MEIS3: variants seen among roughly 807,000 people sequenced by gnomAD.
MEIS3 encodes the protein homeobox protein Meis3.
In MEIS3, 38 loss-of-function variants were observed where a neutral mutation model predicts 51.4. The observed-to-expected ratio is 0.74, with a 90% CI of 0.57 to 0.97. The LOEUF (loss-of-function observed/expected upper bound fraction) is 0.97. Ranked by LOEUF, MEIS3 falls within the 50% of genes least tolerant of loss-of-function variation. MEIS3 has a pLI of 0.00. For missense variants in MEIS3, 456 were observed against 502.6 expected (o/e 0.91, Z 0.89); for synonymous variants, 198 against 201.8 (o/e 0.98, Z 0.16).
At chr19:47,414,589 A>G in intron 6 of MEIS3, 128 bp downstream of exon 6, 1 of 1,101,574 alleles carries the variant, frequency 9.1e-7, no homozygotes, top group East Asian at 2.6e-5. Context: ...GGCTGTGTGC[A>G]TATGCGTGCC....
At chr19:47,407,016 G>T in intron 10 of MEIS3, 45 bp from the exon 11 acceptor site, 1 of 1,579,222 alleles carries the variant, frequency 6.3e-7, no homozygotes, top group East Asian at 2.3e-5. Flanking sequence ...CAGGAAGCCC[G>T]GGACCCGGCT....
intron 6 of MEIS3, among the ~76,000 whole-genome samples, chr19:47,413,254 G>A (rs540759805): frequency 6.6e-6 from 1 of 152,090 alleles, no homozygotes; most frequent in South Asian, 2.1e-4. Context: ...TTAGCCCGGT[G>A]TGGTCGTGGG....
rs775440220 is a variant in MEIS3 at position 47,407,531 on chromosome 19, GCAGA to G, written c.859-107_859-104del. 3 of 1,598,758 alleles carry G rather than the reference GCAGA, an allele frequency of 1.9e-6. No individual in the cohort carries two copies. In the South Asian group the frequency reaches 3.3e-5, roughly 18 times the overall value. ...CGGGGGATGGGGAGCCCAGGCCCAGGCAGACGTCTGGGAGAACCGGCGCTTCTGA... is the reference window on the plus strand; with the variant it reads ...CGGGGGATGGGGAGCCCAGGCCCAGGCGTCTGGGAGAACCGGCGCTTCTGA... On this transcript the variant is annotated intron_variant, in intron 8 of 12. Transcript: ENST00000558555.
At chr19:47,408,189 C>A (rs1307600477) in intron 8 of MEIS3, among the ~76,000 whole-genome samples, 1 of 152,008 alleles carries the variant, frequency 6.6e-6, no homozygotes, top group Non-Finnish European at 1.5e-5. Flanking sequence ...TGCAGTGGCG[C>A]CTTCATGGCT....
intron 1 of MEIS3, chr19:47,418,146 T>G (rs145357025): frequency 6.0e-5 from 10 of 166,108 alleles, no homozygotes; most frequent in African/African-American, 2.4e-4. Flanking sequence ...GACGACCGCG[T>G]CCTGTCGTCA....
At chr19:47,413,285 C>T (rs1240777274) in intron 6 of MEIS3, among the ~76,000 whole-genome samples, 4 of 151,536 alleles carry the variant, frequency 2.6e-5, no homozygotes, top group African/African-American at 7.3e-5. Context: ...CCCAGCTACC[C>T]GGGAGGCTGA....
chr19:47,422,175 C>G (rs1568434988), upstream of MEIS3, among the ~76,000 whole-genome samples: 1 of 152,130 alleles, frequency 6.6e-6, no homozygotes, highest in East Asian at 1.9e-4. Context: ...TCCCGCCCCA[C>G]CAAGCAATCA....
intron 9 of MEIS3, 86 bp from the exon 10 acceptor site, chr19:47,407,223 GC>G: frequency 6.6e-6 from 10 of 1,504,504 alleles, no homozygotes; most frequent in Non-Finnish European, 8.0e-6. Context: ...CCGGAGGACA[GC>G]GGCGGGGGAG....
chr19:47,406,659 C>A, intron 11 of MEIS3, 133 bp from the exon 12 acceptor site: 1 of 971,600 alleles, frequency 1.0e-6, no homozygotes, highest in Admixed American at 2.4e-5. Context: ...AAGGTGCTGG[C>A]CCTTTAAGAA....
At position 47,404,669 on chromosome 19, in the gene MEIS3, C is replaced by T. The variant is rs112748598; in HGVS notation, c.*18-1116G>A. On this transcript the variant is annotated intron_variant, in intron 12 of 12. Coordinates refer to ENST00000558555, the MANE Select transcript of MEIS3 (RefSeq NM_001301059.2). Reference sequence around the variant, plus strand: ...AAAGTCCTCTCCTCCAGGCAGCCCTCCTTGAATCCTCTAGTCTGGGTCAGA... The same window carrying T: ...AAAGTCCTCTCCTCCAGGCAGCCCTTCTTGAATCCTCTAGTCTGGGTCAGA... 9.1e-4 allele frequency among the ~76,000 whole-genome samples: 139 copies of T among 152,266 alleles called. 2 individuals carry two copies. Among genetic ancestry groups the T allele is most frequent in the African/African-American group, 3.3e-3 (136 of 41,556 alleles).
rs1330204887 is a variant in MEIS3, at chr19:47,414,701, C to T, written c.597+16G>A. ...TGTGGCTGCAGGACGATGCCTGGTGCCCGTCCCGGGCCCACCTGGTCTGGG... is the reference window on the plus strand; with the variant it reads ...TGTGGCTGCAGGACGATGCCTGGTGTCCGTCCCGGGCCCACCTGGTCTGGG... On this transcript the variant is annotated intron_variant, in intron 6 of 12. Coordinates refer to ENST00000558555, the MANE Select transcript of MEIS3 (RefSeq NM_001301059.2). 6.3e-7 allele frequency: 1 copy of T among 1,575,678 alleles called. No homozygotes were observed. The highest frequency in any genetic ancestry group is 8.6e-7 in the Non-Finnish European group (1 of 1,161,834).
At chr19:47,416,994 G>A (rs1399102366) in intron 2 of MEIS3, 31 bp from the exon 3 acceptor site, 4 of 1,555,536 alleles carry the variant, frequency 2.6e-6, no homozygotes, top group East Asian at 4.8e-5. Flanking sequence ...AGAGGTTGAG[G>A]GAGAGGCTGG....
intron 1 of MEIS3, chr19:47,417,884 G>A (rs952789678): frequency 3.4e-6 from 2 of 591,472 alleles, no homozygotes; most frequent in Non-Finnish European, 6.0e-6. Context: ...ACCAACCCAC[G>A]TGCACACTCA....
At chr19:47,421,403 G>A (rs537376412), upstream of MEIS3, among the ~76,000 whole-genome samples, 3 of 152,116 alleles carry the variant, frequency 2.0e-5, no homozygotes, top group Admixed American at 6.5e-5. Flanking sequence ...CACGTCCCCC[G>A]GGGATCCGCA....
chr19:47,417,083 C>A, intron 2 of MEIS3, 95 bp downstream of exon 2: 1 of 1,536,942 alleles, frequency 6.5e-7, no homozygotes. Flanking sequence ...GAGACAGAGA[C>A]TCGTACACAG....
Position 47,407,647 on chromosome 19 carries a change from A to G in MEIS3, c.859-219T>C, listed in dbSNP as rs1364328466. 70 of 1,243,860 alleles carry G rather than the reference A, an allele frequency of 5.6e-5. No homozygotes were observed. In the Admixed American group the frequency reaches 2.1e-3, roughly 37 times the overall value. 77.1% of individuals were successfully genotyped at this position (1,243,860 alleles called of 1,614,324 possible). The stretch of plus-strand genomic sequence containing the variant: ...CTGCCAGCCCCCGCCTGTTCCAGCA[A>G]TTAGAGGTTAACTGGCCAGCTCTGA... On this transcript the variant is annotated intron_variant, in intron 8 of 12. Transcript: ENST00000558555.
intron 8 of MEIS3, among the ~76,000 whole-genome samples, chr19:47,408,880 G>C (rs978423109): frequency 6.6e-6 from 1 of 152,036 alleles, no homozygotes; most frequent in Non-Finnish European, 1.5e-5. Flanking sequence ...GACAGTTTTC[G>C]GGGAGGACTT....
chr19:47,413,412 AT>A (rs1203444104), intron 6 of MEIS3, among the ~76,000 whole-genome samples: 13 of 151,410 alleles, frequency 8.6e-5, no homozygotes, highest in African/African-American at 3.2e-4. Context: ...AAAAAAAAAA[AT>A]GTCTCCGGGA....
At chr19:47,408,762 T>C (rs1197529066) in intron 8 of MEIS3, among the ~76,000 whole-genome samples, 1 of 152,166 alleles carries the variant, frequency 6.6e-6, no homozygotes, top group East Asian at 1.9e-4. Flanking sequence ...AACCTCTCTG[T>C]TCCTCAGTCT....
Sources: gnomAD v4.1 joint callset for allele counts (sites outside exome capture counted in the v4.1 genomes callset) on GRCh38, gnomAD v4.1.1 for gene constraint, MANE v1.5 for transcripts, NCBI Gene and HGNC (gene_info 2026-07-23, HGNC 2026-07-21) for gene names.